Variants in SNX29 observed in about 807,000 individuals in gnomAD.
SNX29 encodes the protein sorting nexin 29.
A neutral mutation model predicts 102.1 loss-of-function variants in SNX29; 78 were observed. The observed-to-expected ratio is 0.76, with a 90% CI of 0.64 to 0.92. The LOEUF is 0.92. SNX29 is among the 40% of genes least tolerant of loss of function. The pLI is 0.00. For missense variants in SNX29, 1,280 were observed against 1,061.7 expected, an observed-to-expected ratio of 1.21 and a Z score of -2.86; for synonymous variants, 580 against 414.5, an observed-to-expected ratio of 1.40 and a Z score of -4.85.
chr16:12,291,477 G>T (rs2079792929), intron 15 of SNX29, among the ~76,000 whole-genome samples: 1 of 152,186 alleles, frequency 6.6e-6, no homozygotes, highest in South Asian at 2.1e-4. Context: ...CGTGGGAATT[G>T]TGGGAGCTAC....
Position 12,111,089 on chromosome 16 carries a change from C to T in SNX29, c.1403-15544C>T, listed in dbSNP as rs576697116. Among the ~76,000 whole-genome samples, 25 of 152,272 alleles carry T rather than the reference C, an allele frequency of 1.6e-4. 1 individual carries two copies. Among genetic ancestry groups the T allele is most frequent in the African/African-American group, 5.5e-4 (23 of 41,546 alleles). On this transcript the variant is annotated intron_variant, in intron 11 of 20. Transcript: ENST00000566228. ...GGCTTCTCAAAGTACTGCGATTACA[C>T]GTGTGGGCCAGAAAGCAGTGTTTTT...
intron 11 of SNX29, among the ~76,000 whole-genome samples, chr16:12,086,343 T>C (rs996953011): frequency 6.6e-6 from 1 of 152,146 alleles, no homozygotes; most frequent in Admixed American, 6.5e-5. Context: ...GAGACACGTT[T>C]CATTGTCACC....
chr16:12,256,472 C>T (rs1426691595), intron 14 of SNX29, among the ~76,000 whole-genome samples: 2 of 152,088 alleles, frequency 1.3e-5, no homozygotes, highest in Admixed American at 6.6e-5. Context: ...GAATTACAGG[C>T]GTGTACCATC....
intron 15 of SNX29, among the ~76,000 whole-genome samples, chr16:12,293,826 C>A (rs561190460): frequency 3.3e-5 from 5 of 152,276 alleles, no homozygotes; most frequent in South Asian, 4.1e-4. Context: ...TTGTTAAAAT[C>A]CTTATCAGGC....
chr16:12,470,730 C>G (rs1204584363), intron 18 of SNX29, among the ~76,000 whole-genome samples: 4 of 152,202 alleles, frequency 2.6e-5, no homozygotes, highest in Non-Finnish European at 5.9e-5. Context: ...AATTAATTAG[C>G]CATGGTAATT....
At chr16:12,417,057 G>T (rs559403049) in intron 18 of SNX29, among the ~76,000 whole-genome samples, 1 of 152,354 alleles carries the variant, frequency 6.6e-6, no homozygotes, top group East Asian at 1.9e-4. Flanking sequence ...GTAAGGGGAA[G>T]GGCCTCCCAG....
chr16:12,491,301 G>A (rs2088533330), intron 19 of SNX29, among the ~76,000 whole-genome samples: 1 of 152,166 alleles, frequency 6.6e-6, no homozygotes, highest in African/African-American at 2.4e-5. Context: ...TGAGGTTCCT[G>A]GCTTATAAGG....
intron 16 of SNX29, chr16:12,366,941 C>G (rs2082508473): frequency 1.3e-5 from 2 of 152,194 alleles, no homozygotes; most frequent in South Asian, 2.1e-4. Flanking sequence ...CTTCCACTCT[C>G]CCATTGTCTC....
rs555808119 is a variant in SNX29, at chr16:12,406,980, G to A, written c.2037+3451G>A. Among the ~76,000 whole-genome samples the A allele has an allele frequency of 1.9e-3, 286 of 152,364 alleles. 2 individuals carry two copies. The highest frequency in any genetic ancestry group is 0.012 in the South Asian group (57 of 4,832). On this transcript the variant is annotated intron_variant, in intron 18 of 20. Coordinates refer to ENST00000566228, the MANE Select transcript of SNX29 (RefSeq NM_032167.5). ...CATTTCACATGCTGAGCAGCCAGAC[G>A]TGGCTGATGGCTCCTGTTCTGGACA...
At position 12,572,505 on chromosome 16, in the gene SNX29, C is replaced by CCTG. The variant is rs1164893355; in HGVS notation, c.*3879_*3881dup. 3 of 1,063,928 alleles carry CCTG rather than the reference C, an allele frequency of 2.8e-6. No individual in the cohort carries two copies. Among genetic ancestry groups the CCTG allele is most frequent in the Admixed American group, 1.1e-4 (2 of 18,680 alleles). The allele number at this position is 1,063,928 out of a possible 1,614,324, so 65.9% of individuals were successfully genotyped here. A position where few individuals can be genotyped will look rare whatever the true frequency, so the allele number is the denominator to read the frequency against. On this transcript the variant is annotated 3_prime_UTR_variant, in exon 21 of 21. Transcript: ENST00000566228. ...TCTTGGGGTTCCAGGCCTCGGCCTTCCTGCTCCACGTGCTCAAGCCCCCAC... is the reference window on the plus strand; with the variant it reads ...TCTTGGGGTTCCAGGCCTCGGCCTTCCTGCTGCTCCACGTGCTCAAGCCCCCAC...
intron 19 of SNX29, among the ~76,000 whole-genome samples, chr16:12,494,359 G>T (rs1240335163): frequency 1.3e-5 from 2 of 152,176 alleles, no homozygotes; most frequent in African/African-American, 4.8e-5. Flanking sequence ...TTCCTCGCTG[G>T]ACTTGTTTTC....
intron 20 of SNX29, among the ~76,000 whole-genome samples, chr16:12,567,381 C>A (rs1010095447): frequency 2.0e-5 from 3 of 152,148 alleles, no homozygotes; most frequent in Non-Finnish European, 4.4e-5. Context: ...CATTTTATCC[C>A]AGTGAGGTAT....
intron 13 of SNX29, among the ~76,000 whole-genome samples, chr16:12,150,223 G>A (rs115363910): frequency 0.016 from 2,459 of 152,222 alleles, 74 homozygotes; most frequent in African/African-American, 0.056. Context: ...GGCCAGGGTC[G>A]GAGGGGCTGG....
intron 3 of SNX29, among the ~76,000 whole-genome samples, chr16:12,007,991 C>T (rs1281947695): frequency 4.6e-5 from 7 of 152,012 alleles, no homozygotes; most frequent in East Asian, 3.9e-4. Flanking sequence ...TCACCCAGGC[C>T]GGAGTGCAGT....
chr16:12,543,738 G>T (rs1025266539), intron 20 of SNX29, among the ~76,000 whole-genome samples: 2 of 152,220 alleles, frequency 1.3e-5, no homozygotes, highest in Non-Finnish European at 1.5e-5. Context: ...CATTGCAGTG[G>T]AGTTGACTGG....
chr16:12,429,016 C>T (rs572196676), intron 18 of SNX29, among the ~76,000 whole-genome samples: 15 of 152,290 alleles, frequency 9.8e-5, no homozygotes, highest in East Asian at 1.9e-4. Context: ...CACATAGATA[C>T]GATTGCAATT....
At position 12,061,604 on chromosome 16, in the gene SNX29, A is replaced by G. The variant is rs770428147; in HGVS notation, c.1201A>G (p.Ile401Val). Reference sequence around the variant, plus strand: ...GAAGGTGCTGCACAATGACTCCGACATCCTCTTCCCTGTCAGTGGCGTGGG... The same window carrying G: ...GAAGGTGCTGCACAATGACTCCGACGTCCTCTTCCCTGTCAGTGGCGTGGG... Reference protein sequence around the residue: ...PLKVLHNDSDILFPVSGVGSY... With the variant: ...PLKVLHNDSDVLFPVSGVGSY... The change falls in exon 9 of 21, where the codon ATC becomes GTC. Residue 401 changes from isoleucine (I) to valine (V), a missense_variant. By Grantham distance (29) the Ile-to-Val change is conservative. Transcript: ENST00000566228. 2 of 1,612,200 alleles carry G rather than the reference A, an allele frequency of 1.2e-6. No homozygotes were observed. Among genetic ancestry groups the G allele is most frequent in the Non-Finnish European group, 1.7e-6 (2 of 1,179,362 alleles).
At chr16:12,220,265 C>T (rs2077441162) in intron 14 of SNX29, among the ~76,000 whole-genome samples, 1 of 142,254 alleles carries the variant, frequency 7.0e-6, no homozygotes, top group East Asian at 2.2e-4. Flanking sequence ...GGTTCTGCTT[C>T]CAGTGTAGGC....
intron 20 of SNX29, among the ~76,000 whole-genome samples, chr16:12,558,607 C>A (rs12928486): frequency 6.6e-6 from 1 of 152,116 alleles, no homozygotes; most frequent in East Asian, 1.9e-4. Flanking sequence ...GCCACAGCTG[C>A]TCACACAGTG....
Sources: allele counts gnomAD v4.1 joint callset (sites outside exome capture counted in the v4.1 genomes callset), GRCh38; gene constraint gnomAD v4.1.1; transcripts MANE v1.5; gene names NCBI Gene and HGNC (gene_info 2026-07-23, HGNC 2026-07-21).